Variants in KSR2 observed in about 807,000 individuals in gnomAD.
The protein encoded by KSR2 is kinase suppressor of ras 2.
In KSR2, 25 loss-of-function variants were observed where a neutral mutation model predicts 107.8. The ratio of observed to expected loss-of-function variants is 0.23; its 90% CI spans 0.17 to 0.32. The LOEUF (loss-of-function observed/expected upper bound fraction) is 0.32. KSR2 is among the 10% of genes least tolerant of loss of function. KSR2 has a pLI of 1.00. For synonymous variants in KSR2, 480 were observed against 507.0 expected, an observed-to-expected ratio of 0.95 and a Z score of 0.71; for missense variants, 887 against 1,268.9, an observed-to-expected ratio of 0.70 and a Z score of 4.57.
chr12:117,859,619 G>A (rs912497447), intron 2 of KSR2, among the ~76,000 whole-genome samples: 8 of 151,516 alleles, frequency 5.3e-5, no homozygotes, highest in African/African-American at 1.9e-4. Flanking sequence ...ACCACACCCG[G>A]CTAATTTTTG....
intron 4 of KSR2, among the ~76,000 whole-genome samples, chr12:117,711,716 A>C (rs940401346): frequency 6.6e-5 from 10 of 152,306 alleles, no homozygotes; most frequent in African/African-American, 2.2e-4. Context: ...TTCTCATGGA[A>C]GGATCTTTCT....
chr12:117,938,222 G>A (rs934381791), intron 1 of KSR2, among the ~76,000 whole-genome samples: 3 of 152,130 alleles, frequency 2.0e-5, no homozygotes, highest in Non-Finnish European at 4.4e-5. Flanking sequence ...CACGGTGCCT[G>A]ACGTGCAACA....
At chr12:117,940,156 C>T (rs897502094) in intron 1 of KSR2, among the ~76,000 whole-genome samples, 1 of 152,148 alleles carries the variant, frequency 6.6e-6, no homozygotes, top group African/African-American at 2.4e-5. Context: ...TCAGGAACCA[C>T]TGATTCTAAG....
chr12:117,531,953 AACAG>A (rs1452253850), intron 10 of KSR2, among the ~76,000 whole-genome samples: 2 of 152,120 alleles, frequency 1.3e-5, no homozygotes, highest in Non-Finnish European at 2.9e-5. Context: ...CTCCAACTCA[AACAG>A]ACATTCTGAC....
chr12:117,819,368 T>C (rs367793632), intron 3 of KSR2, among the ~76,000 whole-genome samples: 25 of 152,348 alleles, frequency 1.6e-4, no homozygotes, highest in Admixed American at 1.2e-3. Flanking sequence ...GGGCATGCCC[T>C]AGAGGGCGTC....
At chr12:117,566,429 C>T (rs113561131) in intron 7 of KSR2, among the ~76,000 whole-genome samples, 1 of 152,176 alleles carries the variant, frequency 6.6e-6, no homozygotes, top group African/African-American at 2.4e-5. Context: ...CTGCCCCCCT[C>T]TTTCTGTCTA....
At chr12:117,476,412 T>G in intron 17 of KSR2, 52 bp downstream of exon 17, 2 of 1,508,504 alleles carry the variant, frequency 1.3e-6, no homozygotes, top group Non-Finnish European at 1.8e-6. Flanking sequence ...ACTTGAGAAG[T>G]GCCCCTCTGC....
chr12:117,756,905 A>C (rs1288318473), intron 4 of KSR2, among the ~76,000 whole-genome samples: 1 of 152,122 alleles, frequency 6.6e-6, no homozygotes, highest in Non-Finnish European at 1.5e-5. Context: ...AAATACAAAA[A>C]TTAGCCAGGC....
intron 2 of KSR2, among the ~76,000 whole-genome samples, chr12:117,858,046 T>C (rs1444384130): frequency 6.6e-6 from 1 of 152,212 alleles, no homozygotes; most frequent in African/African-American, 2.4e-5. Context: ...CAGTTCAGCA[T>C]GGTCAACATT....
chr12:117,574,091 A>G (rs1433036039), intron 7 of KSR2, among the ~76,000 whole-genome samples: 1 of 152,178 alleles, frequency 6.6e-6, no homozygotes, highest in Non-Finnish European at 1.5e-5. Flanking sequence ...TCCAAGGGCC[A>G]GCAGCCTCAG....
chr12:117,622,612 T>C (rs1882254461), intron 5 of KSR2, among the ~76,000 whole-genome samples: 1 of 152,134 alleles, frequency 6.6e-6, no homozygotes, highest in African/African-American at 2.4e-5. Flanking sequence ...CCCACACTGG[T>C]TGGAGAGATT....
At chr12:117,570,689 T>C (rs1878830227) in intron 7 of KSR2, among the ~76,000 whole-genome samples, 1 of 152,246 alleles carries the variant, frequency 6.6e-6, no homozygotes, top group Non-Finnish European at 1.5e-5. Flanking sequence ...TATTTAAAGA[T>C]TCTAATTTGA....
chr12:117,742,123 T>C (rs183110206), intron 4 of KSR2, among the ~76,000 whole-genome samples: 57 of 152,180 alleles, frequency 3.7e-4, no homozygotes, highest in African/African-American at 1.3e-3. Flanking sequence ...ACCTGAATCA[T>C]CATAAGGAAA....
intron 1 of KSR2, among the ~76,000 whole-genome samples, chr12:117,935,252 A>C (rs188456997): frequency 6.6e-6 from 1 of 151,814 alleles, no homozygotes; most frequent in East Asian, 1.9e-4. Context: ...CTCCCTCCTC[A>C]GCCTCCCAAG....
At chr12:117,944,320 G>A (rs1216929519) in intron 1 of KSR2, among the ~76,000 whole-genome samples, 1 of 152,198 alleles carries the variant, frequency 6.6e-6, no homozygotes, top group African/African-American at 2.4e-5. Context: ...AGGTTGCGGT[G>A]AGCCGAGATC....
chr12:117,558,535 G>C lies in KSR2; in HGVS notation c.1364C>G (p.Pro455Arg). Residue 455 changes from proline to arginine, a missense_variant, in exon 8 of 20, where the codon CCC (proline) becomes CGC (arginine). This residue lies in a region of KSR2 where 60 missense variants were observed against 77.5 expected (regional missense o/e 0.77). Coordinates refer to ENST00000339824, the MANE Select transcript of KSR2 (RefSeq NM_173598.6). ...TCGGTGGATGATCAGAAGATGACAG[G>C]GTGGGGCTTCTTTGGTGCATTTGTT... ...CHNKCTKEAP[P>R]CHLLIIHRGD... 2 of 1,613,900 alleles carry C rather than the reference G, an allele frequency of 1.2e-6. No homozygotes were observed. The highest frequency in any genetic ancestry group is 1.7e-6 in the Non-Finnish European group (2 of 1,179,852).
At chr12:117,544,332 G>T (rs890092286) in intron 9 of KSR2, among the ~76,000 whole-genome samples, 5 of 152,144 alleles carry the variant, frequency 3.3e-5, no homozygotes, top group Non-Finnish European at 5.9e-5. Context: ...AAATATAACT[G>T]ATTTGGGCCA....
At chr12:117,628,196 T>G (rs1186895078) in intron 5 of KSR2, among the ~76,000 whole-genome samples, 2 of 152,204 alleles carry the variant, frequency 1.3e-5, no homozygotes, top group Non-Finnish European at 2.9e-5. Context: ...AGCCTACTTC[T>G]GTTAACTCGT....
intron 4 of KSR2, among the ~76,000 whole-genome samples, chr12:117,714,058 G>A (rs1886888792): frequency 6.6e-6 from 1 of 152,072 alleles, no homozygotes; most frequent in Admixed American, 6.5e-5. Flanking sequence ...TTTGGGGGCG[G>A]GATGGAGTGA....
Sources: gnomAD v4.1 joint callset for allele counts (sites outside exome capture counted in the v4.1 genomes callset) on GRCh38, gnomAD v4.1.1 for gene constraint, gnomAD v4.1.1 regional missense constraint, MANE v1.5 for transcripts, NCBI Gene and HGNC (gene_info 2026-07-23, HGNC 2026-07-21) for gene names.